The following AGO3 variants were observed in gnomAD, a reference collection of about 807,000 sequenced individuals.
The protein encoded by AGO3 is protein argonaute-3.
Under a neutral mutation model 105.5 loss-of-function variants are expected in AGO3, and 16 were observed. The ratio of observed to expected loss-of-function variants is 0.15; its 90% CI spans 0.10 to 0.23. The LOEUF is 0.23. Ranked by LOEUF, AGO3 falls within the 10% of genes least tolerant of loss-of-function variation. AGO3 has a pLI of 1.00. For missense variants in AGO3, 534 were observed against 1,088.0 expected (o/e 0.49, Z 7.16); for synonymous variants, 340 against 367.3 (o/e 0.93, Z 0.85).
At chr1:36,049,013 T>C (rs539203441) in intron 17 of AGO3, among the ~76,000 whole-genome samples, 1 of 152,242 alleles carries the variant, frequency 6.6e-6, no homozygotes, top group East Asian at 1.9e-4. Context: ...AGCCACTGAA[T>C]GAATTTTTTA....
Position 35,938,511 on chromosome 1 carries a change from G to A in AGO3, c.19+7066G>A, listed in dbSNP as rs572253801. Among the ~76,000 whole-genome samples the A allele has an allele frequency of 1.1e-4, 17 of 152,004 alleles. No individual in the cohort carries two copies. The South Asian group carries it at 2.9e-3, about 26-fold the overall frequency. On this transcript the variant is annotated intron_variant, in intron 1 of 18. Transcript: ENST00000373191. ...TTCTTTTTCCACTTAGTAATGTGTC[G>A]TAAGTATCTTTCCCATATCATTACT...
intron 9 of AGO3, among the ~76,000 whole-genome samples, chr1:36,010,841 G>C (rs1289548393): frequency 6.6e-6 from 1 of 151,418 alleles, no homozygotes; most frequent in Non-Finnish European, 1.5e-5. Flanking sequence ...GGGAGGCGCA[G>C]GTTGCGGTGA....
At chr1:36,032,480 C>T (rs1641822076) in intron 12 of AGO3, among the ~76,000 whole-genome samples, 1 of 152,006 alleles carries the variant, frequency 6.6e-6, no homozygotes, top group African/African-American at 2.4e-5. Context: ...CTCCTAGGCC[C>T]ATGCAATCCT....
intron 17 of AGO3, among the ~76,000 whole-genome samples, chr1:36,051,705 G>A (rs1464770140): frequency 6.6e-6 from 1 of 151,860 alleles, no homozygotes; most frequent in East Asian, 1.9e-4. Flanking sequence ...AAAAAAACAA[G>A]GTATTAATAT....
chr1:35,997,938 C>CG (rs1432068699), intron 5 of AGO3, among the ~76,000 whole-genome samples: 1 of 152,098 alleles, frequency 6.6e-6, no homozygotes, highest in Non-Finnish European at 1.5e-5. Context: ...CTCAGGTGAT[C>CG]CACCCGCCTT....
At chr1:36,041,296 C>T (rs548061387) in intron 16 of AGO3, among the ~76,000 whole-genome samples, 147 of 123,266 alleles carry the variant, frequency 1.2e-3, no homozygotes, top group African/African-American at 4.6e-3. Flanking sequence ...GGTTGGAGTG[C>T]GGTGGCGCGA....
intron 2 of AGO3, among the ~76,000 whole-genome samples, chr1:35,960,101 C>G (rs1646646913): frequency 6.6e-6 from 1 of 151,966 alleles, no homozygotes; most frequent in South Asian, 2.1e-4. Flanking sequence ...AAAGGTTTCT[C>G]AGGTTGGTAG....
Position 36,010,084 on chromosome 1 carries a change from G to A in AGO3, c.1149+490G>A, listed in dbSNP as rs533673131. On this transcript the variant is annotated intron_variant, in intron 9 of 18. Coordinates refer to ENST00000373191, the MANE Select transcript of AGO3 (RefSeq NM_024852.4). The stretch of plus-strand genomic sequence containing the variant: ...CTCCCCAGCAGCTGGGACTACAGGC[G>A]CATGCCACCACGCCTGGCTAATTTT... Among the ~76,000 whole-genome samples, 20 of 151,860 alleles carry A rather than the reference G, an allele frequency of 1.3e-4. No homozygotes were observed. The South Asian group carries it at 2.7e-3, about 21-fold the overall frequency.
chr1:36,032,749 G>A (rs969877793), intron 12 of AGO3, among the ~76,000 whole-genome samples: 1 of 152,162 alleles, frequency 6.6e-6, no homozygotes, highest in Non-Finnish European at 1.5e-5. Context: ...CAGCACTTTG[G>A]GAGGCCAAGA....
Position 36,057,432 on chromosome 1 carries a change from T to C in AGO3, c.*1687T>C, listed in dbSNP as rs1642955774. 1 of 152,088 alleles carries C rather than the reference T, an allele frequency of 6.6e-6. No homozygotes were observed. The highest frequency in any genetic ancestry group is 1.5e-5 in the Non-Finnish European group (1 of 68,024). 9.4% of individuals were successfully genotyped at this position (152,088 alleles called of 1,614,324 possible). A position where few individuals can be genotyped will look rare whatever the true frequency, so the allele number is the denominator to read the frequency against. On this transcript the variant is annotated 3_prime_UTR_variant, in exon 19 of 19. Transcript: ENST00000373191. Reference sequence around the variant, plus strand: ...CTTTTATATTTATTAGAATAGTGCTTTAATAATTATAGAATTGTATTGGCA... The same window carrying C: ...CTTTTATATTTATTAGAATAGTGCTCTAATAATTATAGAATTGTATTGGCA...
At chr1:36,049,398 G>T (rs1054836210) in intron 17 of AGO3, among the ~76,000 whole-genome samples, 17 of 151,842 alleles carry the variant, frequency 1.1e-4, no homozygotes, top group Admixed American at 1.1e-3. Flanking sequence ...CGCACCTGTA[G>T]TACCAGCTAC....
chr1:36,019,728 T>A (rs1462512652), intron 11 of AGO3, among the ~76,000 whole-genome samples: 1 of 152,118 alleles, frequency 6.6e-6, no homozygotes, highest in Non-Finnish European at 1.5e-5. Flanking sequence ...TTTAGCAATT[T>A]AGAACAGTCA....
intron 5 of AGO3, among the ~76,000 whole-genome samples, chr1:35,986,339 AC>A (rs1185334839): frequency 6.6e-6 from 1 of 152,262 alleles, no homozygotes; most frequent in African/African-American, 2.4e-5. Flanking sequence ...ATTGTGGTGT[AC>A]TACATAACAG....
In AGO3 at chr1:35,995,209, A is replaced by AAAAAATATATAT. The variant is rs1237315557; in HGVS notation, c.659-9131_659-9130insAAAATATATATA. Among the ~76,000 whole-genome samples, 260 of 114,654 alleles carry AAAAAATATATAT rather than the reference A, an allele frequency of 2.3e-3. 1 individual carries two copies. Among genetic ancestry groups the AAAAAATATATAT allele is most frequent in the African/African-American group, 9.5e-3 (253 of 26,596 alleles). 75.2% of individuals were successfully genotyped at this position (114,654 alleles called of 152,430 possible). On this transcript the variant is annotated intron_variant, in intron 5 of 18. Transcript: ENST00000373191. ...GAGCAAGACACTGTCTAAAAAAAAAAATATATATATATATATATATATATA... is the reference window on the plus strand; with the variant it reads ...GAGCAAGACACTGTCTAAAAAAAAAAAAAAATATATATATATATATATATATATATATATATA...
At chr1:36,021,290 C>T (rs1641208487) in intron 11 of AGO3, among the ~76,000 whole-genome samples, 3 of 152,074 alleles carry the variant, frequency 2.0e-5, no homozygotes. Context: ...ATATTAGAAA[C>T]TGCTTTAGAA....
At chr1:35,959,909 T>C (rs1295773965) in intron 2 of AGO3, among the ~76,000 whole-genome samples, 1 of 151,988 alleles carries the variant, frequency 6.6e-6, no homozygotes, top group Non-Finnish European at 1.5e-5. Flanking sequence ...TACATATTTG[T>C]TTTTTTAATC....
Position 36,058,403 on chromosome 1 carries a change from T to A in AGO3, c.*2658T>A, listed in dbSNP as rs1350704946. 6.6e-6 allele frequency: 1 copy of A among 152,198 alleles called. No individual in the cohort carries two copies. Among genetic ancestry groups the A allele is most frequent in the East Asian group, 1.9e-4 (1 of 5,204 alleles). 9.4% of individuals were successfully genotyped at this position (152,198 alleles called of 1,614,324 possible). A position where few individuals can be genotyped will look rare whatever the true frequency, so the allele number is the denominator to read the frequency against. ...TCAGTAACATTGGATTCAGGGGAGC[T>A]TTGCACTTTGTAACTCATGAAAATT... On this transcript the variant is annotated 3_prime_UTR_variant, in exon 19 of 19. Transcript: ENST00000373191.
chr1:35,946,183 T>G (rs892750902), intron 2 of AGO3, among the ~76,000 whole-genome samples: 2 of 152,200 alleles, frequency 1.3e-5, no homozygotes, highest in African/African-American at 4.8e-5. Flanking sequence ...CCATGCTTGC[T>G]TTTTTCTCCT....
intron 11 of AGO3, among the ~76,000 whole-genome samples, chr1:36,019,525 C>T (rs1280838466): frequency 1.3e-5 from 2 of 152,146 alleles, no homozygotes. Context: ...TTCCTAATAA[C>T]CTTTTAGCTG....
Sources: gnomAD v4.1 joint callset for allele counts (sites outside exome capture counted in the v4.1 genomes callset) on GRCh38, gnomAD v4.1.1 for gene constraint, MANE v1.5 for transcripts, NCBI Gene and HGNC (gene_info 2026-07-23, HGNC 2026-07-21) for gene names.